FBXL5: variants seen among roughly 807,000 people sequenced by gnomAD.
FBXL5 encodes the protein F-box and leucine rich repeat protein 5.
FBXL5 carries 26 observed loss-of-function variants against 78.3 expected under a neutral mutation model. The observed-to-expected ratio is 0.33, with a 90% CI of 0.24 to 0.46. The LOEUF is 0.46. Ranked by LOEUF, FBXL5 falls within the 20% of genes least tolerant of loss-of-function variation. The probability of loss-of-function intolerance (pLI) is 1.00; values close to 1 mark genes in which losing one functional copy is unlikely to be tolerated. For missense variants in FBXL5, 710 were observed against 829.2 expected, an observed-to-expected ratio of 0.86 and a Z score of 1.77; for synonymous variants, 295 against 282.5, an observed-to-expected ratio of 1.04 and a Z score of -0.45.
intron 10 of FBXL5, 90 bp downstream of exon 10, chr4:15,612,176 C>A: frequency 1.9e-6 from 2 of 1,051,724 alleles, no homozygotes; most frequent in South Asian, 2.4e-5. Flanking sequence ...AATTAGAAAT[C>A]TAGAAAACTA....
At chr4:15,666,565 G>A (rs1391876118) in intron 1 of FBXL5, among the ~76,000 whole-genome samples, 2 of 152,234 alleles carry the variant, frequency 1.3e-5, no homozygotes, top group South Asian at 2.1e-4. Context: ...GGAGGAATAG[G>A]TTTTGAGATC....
intron 4 of FBXL5, among the ~76,000 whole-genome samples, chr4:15,637,495 T>A (rs1302264051): frequency 6.6e-6 from 1 of 152,192 alleles, no homozygotes; most frequent in Admixed American, 6.5e-5. Context: ...AATATAGAAA[T>A]GCTATGATCA....
intron 2 of FBXL5, among the ~76,000 whole-genome samples, chr4:15,642,940 G>A (rs145237230): frequency 6.6e-6 from 1 of 151,898 alleles, no homozygotes; most frequent in Non-Finnish European, 1.5e-5. Flanking sequence ...CTCCCTTTAA[G>A]TATAATCACT....
At chr4:15,650,307 A>T (rs1402510507) in intron 1 of FBXL5, among the ~76,000 whole-genome samples, 2 of 152,232 alleles carry the variant, frequency 1.3e-5, no homozygotes, top group Non-Finnish European at 2.9e-5. Flanking sequence ...CTTCAGTATG[A>T]AATATAGTGC....
chr4:15,672,815 C>T (rs889832500), intron 1 of FBXL5, among the ~76,000 whole-genome samples: 2 of 152,034 alleles, frequency 1.3e-5, no homozygotes, highest in Non-Finnish European at 2.9e-5. Context: ...TTTAAATTAA[C>T]TTTTTGACTC....
rs1476542803 is a variant in FBXL5 at position 15,604,852 on chromosome 4, A to G, written c.*871T>C. On this transcript the variant is annotated 3_prime_UTR_variant, in exon 11 of 11. Coordinates refer to ENST00000341285, the MANE Select transcript of FBXL5 (RefSeq NM_012161.4). ...TGACTACTGAATAACTCATTTCAAA[A>G]AGAAAATTCAGCTCAATAAAATTCA... The G allele has an allele frequency of 6.6e-6, 1 of 152,232 alleles. No individual in the cohort carries two copies. The highest frequency in any genetic ancestry group is 6.5e-5 in the Admixed American group (1 of 15,284). 9.4% of individuals were successfully genotyped at this position (152,232 alleles called of 1,614,324 possible). A position where few individuals can be genotyped will look rare whatever the true frequency, so the allele number is the denominator to read the frequency against.
intron 2 of FBXL5, among the ~76,000 whole-genome samples, chr4:15,641,816 C>A (rs1714911454): frequency 6.6e-6 from 1 of 152,054 alleles, no homozygotes; most frequent in South Asian, 2.1e-4. Context: ...CACCTGAGGT[C>A]AGGAGTTCAA....
chr4:15,635,723 T>A (rs1274272482), intron 5 of FBXL5, among the ~76,000 whole-genome samples: 1 of 145,082 alleles, frequency 6.9e-6, no homozygotes, highest in African/African-American at 2.6e-5. Flanking sequence ...ATTGCACTCT[T>A]GCCTGGGCAA....
chr4:15,633,820 G>A (rs781432970), intron 5 of FBXL5, among the ~76,000 whole-genome samples: 4 of 152,244 alleles, frequency 2.6e-5, no homozygotes, highest in East Asian at 3.9e-4. Context: ...GGGTGATCTC[G>A]AACTCCTGAG....
In FBXL5 at chr4:15,655,298, TCAGCCTCCGCCTCAGCAGCCG is replaced by T; in HGVS notation, c.-32_-12del. 1 of 1,404,440 alleles carries T rather than the reference TCAGCCTCCGCCTCAGCAGCCG, an allele frequency of 7.1e-7. No homozygotes were observed. 87.0% of individuals were successfully genotyped at this position (1,404,440 alleles called of 1,614,324 possible). A position where few individuals can be genotyped will look rare whatever the true frequency, so the allele number is the denominator to read the frequency against. On this transcript the variant is annotated 5_prime_UTR_variant, in exon 1 of 11. Coordinates refer to ENST00000341285, the MANE Select transcript of FBXL5 (RefSeq NM_012161.4). ...AGGAAAGGGCGCCATCGCCACTGCC[TCAGCCTCCGCCTCAGCAGCCG>T]CGGCCGCCGCCTCTCCATAGACACC...
chr4:15,679,522 AATCT>A (rs1718122475), intron 1 of FBXL5, among the ~76,000 whole-genome samples: 1 of 151,638 alleles, frequency 6.6e-6, no homozygotes, highest in Admixed American at 6.6e-5. Context: ...AATATCCTTG[AATCT>A]ATCTAGAGAA....
At chr4:15,626,322 A>G (rs961520101) in intron 8 of FBXL5, among the ~76,000 whole-genome samples, 5 of 152,254 alleles carry the variant, frequency 3.3e-5, no homozygotes, top group African/African-American at 9.6e-5. Context: ...AGGAAGATCC[A>G]TAAGAAACAA....
At position 15,608,511 on chromosome 4, in the gene FBXL5, A is replaced by G. The variant is rs572781620; in HGVS notation, c.2000-2712T>C. Among the ~76,000 whole-genome samples, 290 of 151,668 alleles carry G rather than the reference A, an allele frequency of 1.9e-3. 1 individual carries two copies. Among genetic ancestry groups the G allele is most frequent in the African/African-American group, 6.6e-3 (272 of 41,384 alleles). The stretch of plus-strand genomic sequence containing the variant: ...TAAAAAGCACAAACCTACTGTCAGC[A>G]TCTCCTTATTTATCACAAAACAAAG... On this transcript the variant is annotated intron_variant, in intron 10 of 10. Coordinates refer to ENST00000341285, the MANE Select transcript of FBXL5 (RefSeq NM_012161.4).
chr4:15,655,378 C>A, upstream of FBXL5: 1 of 1,080,270 alleles, frequency 9.3e-7, no homozygotes, highest in African/African-American at 1.8e-5. Flanking sequence ...CGCCCCCTTG[C>A]GCATGCGCCC....
chr4:15,673,116 GA>G (rs942741482), intron 1 of FBXL5, among the ~76,000 whole-genome samples: 3 of 152,002 alleles, frequency 2.0e-5, no homozygotes, highest in African/African-American at 7.2e-5. Context: ...GTTAACTTTT[GA>G]AAATATACAT....
At position 15,625,851 on chromosome 4, in the gene FBXL5, G is replaced by C. The variant is rs1204343541; in HGVS notation, c.1251C>G (p.Gly417=). The C allele has an allele frequency of 5.6e-6, 9 of 1,614,006 alleles. No individual in the cohort carries two copies. The highest frequency in any genetic ancestry group is 7.6e-6 in the Non-Finnish European group (9 of 1,180,002). The change falls in exon 9 of 11, where the codon GGC becomes GGG. Residue 417 remains glycine (G), a synonymous_variant. Coordinates refer to ENST00000341285, the MANE Select transcript of FBXL5 (RefSeq NM_012161.4). ...ALGILTSHQS[G]FLKTSTSKIT... is the part of the protein sequence containing the mutation. ...TTTTGCTTGTAGATGTTTTCAAAAA[G>C]CCACTTTGATGAGATGTCAGAATTC...
rs868399220 is a variant in FBXL5 at position 15,679,334 on chromosome 4, G to A, written c.-284+2049C>T. ...CTCAAAGTGCTGGGATTACAGGTGT[G>A]AGCCACCATGTCGGGCTAAAATATC... On this transcript the variant is annotated intron_variant, in intron 1 of 4. Transcript: ENST00000507899. 2.6e-5 allele frequency among the ~76,000 whole-genome samples: 4 copies of A among 151,952 alleles called. No individual in the cohort carries two copies. The South Asian group carries it at 8.3e-4, about 31-fold the overall frequency.
At chr4:15,679,562 C>CAAAAAAAAAAAAAAA (rs1202369624) in intron 1 of FBXL5, among the ~76,000 whole-genome samples, 3 of 94,392 alleles carry the variant, frequency 3.2e-5, no homozygotes, top group African/African-American at 7.3e-5. Flanking sequence ...AGTTCAGGAA[C>CAAAAAAAAAAAAAAA]AAAAAAAAAA....
chr4:15,631,127 C>G (rs1459719415), intron 5 of FBXL5, among the ~76,000 whole-genome samples: 1 of 152,042 alleles, frequency 6.6e-6, no homozygotes, highest in Non-Finnish European at 1.5e-5. Flanking sequence ...TCCAAGTGTT[C>G]TCTTTGTTCA....
Sources: gnomAD v4.1 joint callset for allele counts (sites outside exome capture counted in the v4.1 genomes callset) on GRCh38, gnomAD v4.1.1 for gene constraint, MANE v1.5 for transcripts, NCBI Gene and HGNC (gene_info 2026-07-23, HGNC 2026-07-21) for gene names.